SCAPER: variants seen among roughly 807,000 people sequenced by gnomAD.
The protein encoded by SCAPER is S phase cyclin A-associated protein in the endoplasmic reticulum.
SCAPER carries 98 observed loss-of-function variants against 182.2 expected under a neutral mutation model. That is an observed-to-expected ratio of 0.54 (90% confidence interval 0.46 to 0.64). The LOEUF (loss-of-function observed/expected upper bound fraction) is 0.64, where lower values mean the gene tolerates loss of function less well. SCAPER is among the 30% of genes least tolerant of loss of function. The pLI is 0.00. For synonymous variants in SCAPER, 605 were observed against 564.6 expected, an observed-to-expected ratio of 1.07 and a Z score of -1.01; for missense variants, 1,432 against 1,690.0, an observed-to-expected ratio of 0.85 and a Z score of 2.68.
rs116444719 is a variant in SCAPER, at chr15:76,638,179, A to G, written c.2646-16350T>C. ...CCAATTTATGTTTTTGTTGCTTGCC[A>G]TTTTGTTTTGTGATTTCTGTTCAGT... On this transcript the variant is annotated intron_variant, in intron 21 of 31. Coordinates refer to ENST00000563290, the MANE Select transcript of SCAPER (RefSeq NM_020843.4). Among the ~76,000 whole-genome samples, 726 of 151,922 alleles carry G rather than the reference A, an allele frequency of 4.8e-3. 7 individuals carry two copies. The highest frequency in any genetic ancestry group is 0.017 in the African/African-American group (700 of 41,456).
At chr15:76,461,980 A>G (rs2049221619) in intron 25 of SCAPER, among the ~76,000 whole-genome samples, 1 of 152,202 alleles carries the variant, frequency 6.6e-6, no homozygotes, top group Non-Finnish European at 1.5e-5. Context: ...TGTCTCATAC[A>G]TGTACAGTAT....
chr15:76,780,258 T>C (rs531834104), intron 8 of SCAPER, among the ~76,000 whole-genome samples: 15 of 152,368 alleles, frequency 9.8e-5, no homozygotes, highest in Middle Eastern at 3.4e-3. Flanking sequence ...CTCACGCCCA[T>C]GGAGCCTCAC....
chr15:76,443,638 C>T (rs1182712009), intron 25 of SCAPER, among the ~76,000 whole-genome samples: 1 of 152,192 alleles, frequency 6.6e-6, no homozygotes, highest in African/African-American at 2.4e-5. Flanking sequence ...GCAGAAACAA[C>T]AGCTAACACC....
chr15:76,875,847 G>C (rs2073103428), intron 2 of SCAPER, among the ~76,000 whole-genome samples: 1 of 152,212 alleles, frequency 6.6e-6, no homozygotes. Flanking sequence ...GCAGCAGCAA[G>C]ATTCACTGCA....
Position 76,369,420 on chromosome 15 carries a change from A to G in SCAPER, c.3855+6742T>C, listed in dbSNP as rs144413334. Among the ~76,000 whole-genome samples, 316 of 152,368 alleles carry G rather than the reference A, an allele frequency of 2.1e-3. 2 individuals carry two copies. Among genetic ancestry groups the G allele is most frequent in the African/African-American group, 7.0e-3 (293 of 41,600 alleles). On this transcript the variant is annotated intron_variant, in intron 29 of 31. Coordinates refer to ENST00000563290, the MANE Select transcript of SCAPER (RefSeq NM_020843.4). ...GGCGAAACAGATTCACTTCTTAAGTATAGAAGTGAGGTGGAAACTCACTGA... is the reference window on the plus strand; with the variant it reads ...GGCGAAACAGATTCACTTCTTAAGTGTAGAAGTGAGGTGGAAACTCACTGA...
chr15:76,725,490 C>CT (rs1289187887), intron 17 of SCAPER, among the ~76,000 whole-genome samples: 1 of 151,418 alleles, frequency 6.6e-6, no homozygotes, highest in Non-Finnish European at 1.5e-5. Flanking sequence ...CCAATGACTT[C>CT]TTTTTTACAA....
intron 26 of SCAPER, among the ~76,000 whole-genome samples, chr15:76,405,360 T>A (rs573935458): frequency 5.3e-5 from 8 of 152,102 alleles, no homozygotes; most frequent in Non-Finnish European, 1.2e-4. Context: ...GATGCGATCC[T>A]CCTGCCTCGG....
chr15:76,628,850 A>C (rs1037092487), intron 21 of SCAPER, among the ~76,000 whole-genome samples: 1 of 152,198 alleles, frequency 6.6e-6, no homozygotes, highest in Non-Finnish European at 1.5e-5. Context: ...TGAAACTATA[A>C]ATTATTTTGG....
At chr15:76,461,290 T>A (rs936590582) in intron 25 of SCAPER, among the ~76,000 whole-genome samples, 6 of 151,884 alleles carry the variant, frequency 4.0e-5, no homozygotes, top group Non-Finnish European at 8.8e-5. Context: ...GTTAAAGTGG[T>A]GTCTACCAAG....
intron 27 of SCAPER, chr15:76,385,127 T>C (rs926015646): frequency 6.6e-6 from 1 of 152,228 alleles, no homozygotes; most frequent in Non-Finnish European, 1.5e-5. Flanking sequence ...AAAACTAAAA[T>C]TGGTTTTTCA....
intron 23 of SCAPER, among the ~76,000 whole-genome samples, chr15:76,545,622 C>G (rs2045209968): frequency 6.6e-6 from 1 of 152,098 alleles, no homozygotes; most frequent in South Asian, 2.1e-4. Flanking sequence ...ATAGCTATCT[C>G]AGGACTGTGA....
intron 26 of SCAPER, among the ~76,000 whole-genome samples, chr15:76,409,045 C>G (rs62028402): frequency 0.068 from 10,331 of 152,146 alleles, 394 homozygotes; most frequent in Middle Eastern, 0.11. Context: ...ATCTACAGTG[C>G]CTACTAATGA....
chr15:76,514,712 T>C (rs1241632773), intron 23 of SCAPER, among the ~76,000 whole-genome samples: 1 of 152,190 alleles, frequency 6.6e-6, no homozygotes, highest in Non-Finnish European at 1.5e-5. Context: ...TTTTGGCAAG[T>C]CCATAAATTT....
At chr15:76,387,658 G>C (rs551662427) in intron 27 of SCAPER, among the ~76,000 whole-genome samples, 1 of 152,268 alleles carries the variant, frequency 6.6e-6, no homozygotes, top group South Asian at 2.1e-4. Context: ...CACCAGTAGG[G>C]TAAGAAGGAA....
intron 26 of SCAPER, among the ~76,000 whole-genome samples, chr15:76,428,196 C>T (rs968980965): frequency 5.3e-5 from 8 of 152,098 alleles, no homozygotes; most frequent in African/African-American, 1.9e-4. Context: ...CTAGTATAGC[C>T]ATCATGTAAA....
chr15:76,731,776 T>C (rs1461755843), intron 16 of SCAPER, among the ~76,000 whole-genome samples: 2 of 152,196 alleles, frequency 1.3e-5, no homozygotes, highest in African/African-American at 4.8e-5. Context: ...AAAACAAAAA[T>C]AATTCTAAAG....
chr15:76,357,189 C>CACACACACAA (rs1555410451), intron 29 of SCAPER, among the ~76,000 whole-genome samples: 2 of 146,376 alleles, frequency 1.4e-5, no homozygotes, highest in Non-Finnish European at 3.1e-5. Context: ...CACACACACA[C>CACACACACAA]CCCTATGGCC....
intron 20 of SCAPER, among the ~76,000 whole-genome samples, chr15:76,681,847 G>A (rs528618795): frequency 3.3e-5 from 5 of 152,264 alleles, no homozygotes; most frequent in African/African-American, 9.6e-5. Context: ...GTGTGGGAAC[G>A]TCTGCAGTAG....
intron 5 of SCAPER, among the ~76,000 whole-genome samples, chr15:76,807,288 G>A (rs985340315): frequency 6.6e-6 from 1 of 152,064 alleles, no homozygotes; most frequent in African/African-American, 2.4e-5. Flanking sequence ...TGCCTTTTCT[G>A]CACCAACTGA....
Sources: allele counts gnomAD v4.1 joint callset (sites outside exome capture counted in the v4.1 genomes callset), GRCh38; gene constraint gnomAD v4.1.1; transcripts MANE v1.5; gene names NCBI Gene and HGNC (gene_info 2026-07-23, HGNC 2026-07-21).